Variants in GRIP1 observed in about 807,000 individuals in gnomAD.
GRIP1 encodes the protein glutamate receptor interacting protein 1.
Under a neutral mutation model 129.9 loss-of-function variants are expected in GRIP1, and 45 were observed. The ratio of observed to expected loss-of-function variants is 0.35; its 90% CI spans 0.27 to 0.44. GRIP1 has a LOEUF of 0.44. Among genes scored for constraint, GRIP1 ranks in the 20% least tolerant of loss-of-function variants. The pLI is 1.00. For synonymous variants in GRIP1, 530 were observed against 520.8 expected, an observed-to-expected ratio of 1.02 and a Z score of -0.24; for missense variants, 1,196 against 1,396.8, an observed-to-expected ratio of 0.86 and a Z score of 2.29.
chr12:67,037,695 T>A (rs929641938), intron 1 of GRIP1, among the ~76,000 whole-genome samples: 2 of 152,176 alleles, frequency 1.3e-5, no homozygotes, highest in African/African-American at 4.8e-5. Flanking sequence ...AAGTCCTAAA[T>A]CATTAAAAGC....
At chr12:66,710,816 T>C (rs1327550046) in intron 1 of GRIP1, among the ~76,000 whole-genome samples, 21 of 151,918 alleles carry the variant, frequency 1.4e-4, no homozygotes, top group Admixed American at 1.4e-3. Context: ...CTAAGGCCTC[T>C]TAGGGGGAAG....
chr12:66,913,746 C>T lies in GRIP1; in HGVS notation c.58+155304G>A, dbSNP rs545017431. Among the ~76,000 whole-genome samples the T allele has an allele frequency of 4.6e-5, 7 of 152,154 alleles. No individual in the cohort carries two copies. In the South Asian group the frequency reaches 1.2e-3, roughly 27 times the overall value. ...GTCTAAAGAGGAATGTTTTTCTATTCAATTATATCAGGAGGTCAATCAAGT... is the reference window on the plus strand; with the variant it reads ...GTCTAAAGAGGAATGTTTTTCTATTTAATTATATCAGGAGGTCAATCAAGT... On this transcript the variant is annotated intron_variant, in intron 1 of 1. Transcript: ENST00000643019.
chr12:66,971,576 C>T (rs2029893253), intron 1 of GRIP1, among the ~76,000 whole-genome samples: 1 of 152,120 alleles, frequency 6.6e-6, no homozygotes, highest in Admixed American at 6.6e-5. Context: ...AAAAAGACAG[C>T]TATAGTCCCT....
Position 66,727,389 on chromosome 12 carries a change from G to A in GRIP1, c.-420+76664C>T, listed in dbSNP as rs545274940. The stretch of plus-strand genomic sequence containing the variant: ...GGTGAGGTCTTAAAAGGCATCACAT[G>A]CTTCTGCTCAGTCCTCTTGCTCTTG... On this transcript the variant is annotated intron_variant, in intron 1 of 4. Coordinates refer to the GRIP1 transcript ENST00000538373. Among the ~76,000 whole-genome samples the A allele has an allele frequency of 7.2e-5, 11 of 152,322 alleles. No homozygotes were observed. The South Asian group carries it at 2.3e-3, about 32-fold the overall frequency.
chr12:66,932,789 C>T (rs1330538643), intron 1 of GRIP1, among the ~76,000 whole-genome samples: 1 of 152,108 alleles, frequency 6.6e-6, no homozygotes, highest in Non-Finnish European at 1.5e-5. Flanking sequence ...CTGCCTCAGC[C>T]TCCCAAGTAA....
chr12:66,575,035 G>A (rs1291909529), intron 2 of GRIP1, among the ~76,000 whole-genome samples: 1 of 151,988 alleles, frequency 6.6e-6, no homozygotes, highest in Non-Finnish European at 1.5e-5. Flanking sequence ...GCCTCCGAAA[G>A]TATTGGGATT....
At chr12:67,040,490 C>T (rs1294239758) in intron 1 of GRIP1, among the ~76,000 whole-genome samples, 1 of 152,162 alleles carries the variant, frequency 6.6e-6, no homozygotes, top group African/African-American at 2.4e-5. Context: ...AGTAAATAAA[C>T]AACTTGCAGT....
intron 1 of GRIP1, among the ~76,000 whole-genome samples, chr12:67,020,253 G>C (rs1202452379): frequency 6.6e-6 from 1 of 152,126 alleles, no homozygotes; most frequent in Non-Finnish European, 1.5e-5. Context: ...TTCACAGTCT[G>C]TGTCATGAAA....
intron 16 of GRIP1, among the ~76,000 whole-genome samples, chr12:66,401,592 A>ATG (rs760180986): frequency 0.4 from 32,728 of 82,484 alleles, 7,835 homozygotes; most frequent in Middle Eastern, 0.51. Context: ...AAAAAAAAAT[A>ATG]TGTGTGTATA....
intron 23 of GRIP1, among the ~76,000 whole-genome samples, chr12:66,363,178 T>G (rs192079726): frequency 3.2e-5 from 3 of 92,454 alleles, no homozygotes; most frequent in Admixed American, 2.6e-4. Context: ...CACACATATA[T>G]GTATATATGT....
At chr12:66,966,017 T>C (rs2041994235) in intron 1 of GRIP1, among the ~76,000 whole-genome samples, 1 of 152,196 alleles carries the variant, frequency 6.6e-6, no homozygotes, top group South Asian at 2.1e-4. Context: ...TGACTCTATG[T>C]ATTTTGTCCT....
intron 1 of GRIP1, among the ~76,000 whole-genome samples, chr12:66,614,481 T>C (rs1205475888): frequency 6.6e-6 from 1 of 152,132 alleles, no homozygotes; most frequent in African/African-American, 2.4e-5. Flanking sequence ...ATGCTCTTCC[T>C]TAGAATGTAT....
intron 2 of GRIP1, among the ~76,000 whole-genome samples, chr12:66,592,144 CTGT>C (rs2063871390): frequency 6.6e-6 from 1 of 152,132 alleles, no homozygotes; most frequent in Non-Finnish European, 1.5e-5. Flanking sequence ...CTTCAAATTC[CTGT>C]TGTAGCCTCT....
intron 19 of GRIP1, among the ~76,000 whole-genome samples, chr12:66,391,782 T>G (rs1331263401): frequency 2.0e-5 from 3 of 152,104 alleles, no homozygotes; most frequent in Non-Finnish European, 2.9e-5. Flanking sequence ...GTCCAGGAGT[T>G]TGAGACTATA....
intron 1 of GRIP1, among the ~76,000 whole-genome samples, chr12:66,994,725 TTAATGAAACAGAAGAC>T (rs1164033892): frequency 6.6e-6 from 1 of 152,008 alleles, no homozygotes; most frequent in Non-Finnish European, 1.5e-5. Context: ...AAGTCTTCTG[TTAATGAAACAGAAGAC>T]TTAATATTGT....
intron 11 of GRIP1, among the ~76,000 whole-genome samples, chr12:66,447,128 C>A (rs995125879): frequency 1.3e-5 from 2 of 152,170 alleles, no homozygotes; most frequent in Non-Finnish European, 2.9e-5. Flanking sequence ...ATGTGGGGAT[C>A]TGGTAAGTGC....
intron 1 of GRIP1, among the ~76,000 whole-genome samples, chr12:66,623,719 T>C (rs1338318443): frequency 1.3e-5 from 2 of 152,176 alleles, no homozygotes; most frequent in African/African-American, 4.8e-5. Flanking sequence ...CTGGAAGCAC[T>C]GGGCATTTCA....
intron 2 of GRIP1, among the ~76,000 whole-genome samples, chr12:66,567,154 T>G (rs2062795923): frequency 6.6e-6 from 1 of 152,228 alleles, no homozygotes; most frequent in Non-Finnish European, 1.5e-5. Flanking sequence ...AGTTATTTCT[T>G]GCCTTCAGCT....
upstream of GRIP1, chr12:66,804,191 A>C (rs1592861638): frequency 2.2e-6 from 1 of 454,578 alleles, no homozygotes; most frequent in Non-Finnish European, 4.4e-6. Flanking sequence ...TCCATCTCTT[A>C]CTCACCGTGC....
Sources: gnomAD v4.1 joint callset for allele counts (sites outside exome capture counted in the v4.1 genomes callset) on GRCh38, gnomAD v4.1.1 for gene constraint, MANE v1.5 for transcripts, NCBI Gene and HGNC (gene_info 2026-07-23, HGNC 2026-07-21) for gene names.